Variants in FSTL4 observed in about 807,000 individuals in gnomAD.
FSTL4 encodes follistatin-related protein 4.
FSTL4 carries 28 observed loss-of-function variants against 78.2 expected under a neutral mutation model. That is an observed-to-expected ratio of 0.36 (90% CI 0.27 to 0.49). The LOEUF (loss-of-function observed/expected upper bound fraction) is 0.49, where lower values mean the gene tolerates loss of function less well. Ranked by LOEUF, FSTL4 falls within the 20% of genes least tolerant of loss-of-function variation. The pLI, the probability that FSTL4 is intolerant of heterozygous loss-of-function variation, is 0.98. For missense variants in FSTL4, 922 were observed against 1,084.9 expected, an observed-to-expected ratio of 0.85 and a Z score of 2.11; for synonymous variants, 422 against 440.5, an observed-to-expected ratio of 0.96 and a Z score of 0.53.
chr5:133,711,702 G>A, the FSTL4 span, among the ~76,000 whole-genome samples: 4 of 152,162 alleles, frequency 2.6e-5, no homozygotes, highest in African/African-American at 9.7e-5. Flanking sequence ...TCTAGGTCAT[G>A]GACTCTTTGG....
upstream of FSTL4, among the ~76,000 whole-genome samples, chr5:133,613,814 G>A (rs1362368836): frequency 6.6e-6 from 1 of 152,180 alleles, no homozygotes; most frequent in East Asian, 1.9e-4. Context: ...TTCCCATGTG[G>A]ATACCATGAT....
chr5:133,242,304 G>A (rs918480701), intron 7 of FSTL4, among the ~76,000 whole-genome samples: 1 of 152,172 alleles, frequency 6.6e-6, no homozygotes, highest in Non-Finnish European at 1.5e-5. Flanking sequence ...CCTTGGAGGG[G>A]TAGGCTCCAA....
At chr5:133,224,663 G>A (rs1032464527) in intron 10 of FSTL4, among the ~76,000 whole-genome samples, 2 of 152,200 alleles carry the variant, frequency 1.3e-5, no homozygotes, top group Non-Finnish European at 2.9e-5. Context: ...TAACACCCAT[G>A]TCTATGAAAT....
chr5:133,771,856 A>T, the FSTL4 span, among the ~76,000 whole-genome samples: 1 of 152,328 alleles, frequency 6.6e-6, no homozygotes, highest in African/African-American at 2.4e-5. Context: ...CAAACAAATC[A>T]GTTTTGTAAT....
intron 4 of FSTL4, among the ~76,000 whole-genome samples, chr5:133,386,802 C>T (rs1284694270): frequency 6.6e-6 from 1 of 152,104 alleles, no homozygotes; most frequent in Non-Finnish European, 1.5e-5. Flanking sequence ...AAGCCCTCAC[C>T]CTGTGTTTCA....
At chr5:133,567,441 C>T (rs575791427) in intron 2 of FSTL4, among the ~76,000 whole-genome samples, 2 of 152,312 alleles carry the variant, frequency 1.3e-5, no homozygotes, top group South Asian at 2.1e-4. Context: ...TCCTGTTAAT[C>T]ACAAAGTTTT....
chr5:133,599,613 G>A (rs1020136903), intron 2 of FSTL4, among the ~76,000 whole-genome samples: 1 of 152,172 alleles, frequency 6.6e-6, no homozygotes, highest in Non-Finnish European at 1.5e-5. Context: ...GGTAAGAGTC[G>A]TTTAGAAAAA....
the FSTL4 span, among the ~76,000 whole-genome samples, chr5:133,622,953 G>A: frequency 6.6e-6 from 1 of 151,944 alleles, no homozygotes; most frequent in South Asian, 2.1e-4. Context: ...CTTGCTTTTG[G>A]TGTCAAGTCT....
At chr5:133,261,165 T>C (rs536534525) in intron 6 of FSTL4, among the ~76,000 whole-genome samples, 35 of 152,236 alleles carry the variant, frequency 2.3e-4, no homozygotes, top group African/African-American at 7.7e-4. Context: ...AAATTCTATC[T>C]CCATCACGAG....
chr5:133,551,231 T>C (rs1166986552), intron 3 of FSTL4, among the ~76,000 whole-genome samples: 28 of 152,062 alleles, frequency 1.8e-4, no homozygotes, highest in Admixed American at 1.8e-3. Flanking sequence ...TTACGATACT[T>C]GGGGGAACAG....
At chr5:133,644,906 C>T in the FSTL4 span, among the ~76,000 whole-genome samples, 1 of 152,110 alleles carries the variant, frequency 6.6e-6, no homozygotes, top group Admixed American at 6.5e-5. Context: ...TCATTGGCCC[C>T]TCCCTGATTT....
intron 2 of FSTL4, among the ~76,000 whole-genome samples, chr5:133,593,382 CT>C (rs1239684708): frequency 2.0e-5 from 3 of 152,042 alleles, no homozygotes; most frequent in Non-Finnish European, 4.4e-5. Flanking sequence ...AGTACAGGCT[CT>C]GGTGGATAAG....
At chr5:133,697,596 T>C in the FSTL4 span, among the ~76,000 whole-genome samples, 1 of 152,202 alleles carries the variant, frequency 6.6e-6, no homozygotes, top group African/African-American at 2.4e-5. Context: ...TCTCTTTATT[T>C]TTAAGAGGCT....
intron 7 of FSTL4, among the ~76,000 whole-genome samples, chr5:133,242,951 T>C (rs1169426262): frequency 6.6e-6 from 1 of 152,218 alleles, no homozygotes; most frequent in East Asian, 1.9e-4. Context: ...TCATGACTGG[T>C]TCATATAAAG....
chr5:133,516,037 A>AT lies in FSTL4; in HGVS notation c.160+51148dup, dbSNP rs957520563. Among the ~76,000 whole-genome samples the AT allele has an allele frequency of 4.9e-3, 729 of 149,656 alleles. 5 individuals are homozygous for AT. Among genetic ancestry groups the AT allele is most frequent in the African/African-American group, 0.016 (642 of 40,894 alleles). On this transcript the variant is annotated intron_variant, in intron 3 of 15. Transcript: ENST00000265342. ...AGAATACCAAATCAAACCTAGCGCT[A>AT]TTTTTTTTTTGAAAGACTAACGTGC...
At chr5:133,278,989 G>C (rs1171665185) in intron 6 of FSTL4, among the ~76,000 whole-genome samples, 1 of 152,226 alleles carries the variant, frequency 6.6e-6, no homozygotes, top group African/African-American at 2.4e-5. Context: ...CCTGCACTGG[G>C]AGGCCCCAGC....
At chr5:133,359,620 G>A (rs1163414536) in intron 4 of FSTL4, among the ~76,000 whole-genome samples, 4 of 152,154 alleles carry the variant, frequency 2.6e-5, no homozygotes, top group Non-Finnish European at 5.9e-5. Context: ...TAGTTACATG[G>A]GTGTGATGCC....
At chr5:133,486,090 G>A (rs1179768657) in intron 3 of FSTL4, among the ~76,000 whole-genome samples, 6 of 152,124 alleles carry the variant, frequency 3.9e-5, no homozygotes, top group Non-Finnish European at 5.9e-5. Flanking sequence ...TGCGACCATC[G>A]GTAAAAACAC....
intron 6 of FSTL4, among the ~76,000 whole-genome samples, chr5:133,272,723 T>C (rs1218475590): frequency 6.6e-6 from 1 of 152,250 alleles, no homozygotes; most frequent in Admixed American, 6.5e-5. Context: ...TTTATTAGTC[T>C]GTAAATGAGT....
Sources: gnomAD v4.1 joint callset for allele counts (sites outside exome capture counted in the v4.1 genomes callset) on GRCh38, gnomAD v4.1.1 for gene constraint, MANE v1.5 for transcripts, NCBI Gene and HGNC (gene_info 2026-07-23, HGNC 2026-07-21) for gene names.